DDX55: variants seen among roughly 807,000 people sequenced by gnomAD.
DDX55 encodes ATP-dependent RNA helicase DDX55.
In DDX55, 56 loss-of-function variants were observed where a neutral mutation model predicts 69.2. The ratio of observed to expected loss-of-function variants is 0.81; its 90% CI spans 0.65 to 1.01. The LOEUF (loss-of-function observed/expected upper bound fraction) is 1.01, where lower values mean the gene tolerates loss of function less well. DDX55 is among the 50% of genes least tolerant of loss of function. DDX55 has a pLI of 0.00. For missense variants in DDX55, 720 were observed against 745.1 expected, an observed-to-expected ratio of 0.97 and a Z score of 0.39; for synonymous variants, 268 against 273.1, an observed-to-expected ratio of 0.98 and a Z score of 0.18.
At chr12:123,611,727 A>G (rs1954258853) in intron 7 of DDX55, among the ~76,000 whole-genome samples, 1 of 152,204 alleles carries the variant, frequency 6.6e-6, no homozygotes, top group Non-Finnish European at 1.5e-5. Context: ...TCAAAATCAG[A>G]TAGGCTCATC....
At chr12:123,617,301 G>A (rs1954748384) in intron 10 of DDX55, among the ~76,000 whole-genome samples, 1 of 152,168 alleles carries the variant, frequency 6.6e-6, no homozygotes, top group Non-Finnish European at 1.5e-5. Flanking sequence ...AATGAAAAAA[G>A]CAATACATAC....
At chr12:123,618,598 TTG>T in intron 11 of DDX55, 69 bp from the exon 12 acceptor site, 1 of 1,573,288 alleles carries the variant, frequency 6.4e-7, no homozygotes, top group Non-Finnish European at 8.6e-7. Flanking sequence ...TTTTTCTTGG[TTG>T]TGATGGGGAG....
chr12:123,611,012 G>A (rs1326151275), intron 7 of DDX55, among the ~76,000 whole-genome samples: 1 of 151,722 alleles, frequency 6.6e-6, no homozygotes, highest in Non-Finnish European at 1.5e-5. Context: ...CAATTCTTCT[G>A]CCTCAGTCTC....
At chr12:123,609,291 A>G (rs1056720687) in intron 6 of DDX55, among the ~76,000 whole-genome samples, 7 of 152,068 alleles carry the variant, frequency 4.6e-5, no homozygotes, top group African/African-American at 1.7e-4. Flanking sequence ...TCAAATCATT[A>G]AGTAGTTTGA....
intron 5 of DDX55, chr12:123,607,990 G>A (rs1401794228): frequency 5.5e-6 from 2 of 366,212 alleles, no homozygotes; most frequent in South Asian, 3.9e-5. Flanking sequence ...GGGAGGACTC[G>A]GCTCAGTAGT....
At chr12:123,617,156 C>T (rs1426132598) in intron 10 of DDX55, among the ~76,000 whole-genome samples, 1 of 152,250 alleles carries the variant, frequency 6.6e-6, no homozygotes, top group East Asian at 1.9e-4. Flanking sequence ...AACAAAAACC[C>T]GTTGTTTTAA....
At position 123,607,584 on chromosome 12, in the gene DDX55, T is replaced by C; in HGVS notation, c.339-16T>C. 3 of 1,614,202 alleles carry C rather than the reference T, an allele frequency of 1.9e-6. No individual in the cohort carries two copies. The highest frequency in any genetic ancestry group is 2.5e-6 in the Non-Finnish European group (3 of 1,180,042). On this transcript the variant is annotated splice_polypyrimidine_tract_variant and intron_variant, in intron 4 of 13. Coordinates refer to ENST00000238146, the MANE Select transcript of DDX55 (RefSeq NM_020936.3). ...TGTTTTGTCGAACTTAATCAAAGGC[T>C]GTTTTCTTGTTGTAGCCAGATTCTT...
intron 11 of DDX55, chr12:123,618,264 G>A (rs1954844065): frequency 2.2e-6 from 1 of 456,998 alleles, no homozygotes; most frequent in Non-Finnish European, 4.3e-6. Flanking sequence ...CGCCCACCTC[G>A]GCCTCCCAAA....
intron 9 of DDX55, 109 bp from the exon 10 acceptor site, chr12:123,616,402 G>A (rs1215488093): frequency 8.8e-6 from 8 of 909,112 alleles, no homozygotes; most frequent in East Asian, 5.0e-5. Context: ...ATTTGCTTCT[G>A]TGAGAAGCTC....
At position 123,620,621 on chromosome 12, in the gene DDX55, T is replaced by TATATATAC. The variant is rs1955071754; in HGVS notation, c.*488_*489insCATATATA. 1 of 100,122 alleles carries TATATATAC rather than the reference T, an allele frequency of 1.0e-5. No individual in the cohort carries two copies. The highest frequency in any genetic ancestry group is 3.6e-5 in the African/African-American group (1 of 27,408). 6.2% of individuals were successfully genotyped at this position (100,122 alleles called of 1,614,324 possible). Reference sequence around the variant, plus strand: ...ATATATATATATATATATATATATATATATATAAGCTCTTTTTTCTGAGGC... The same window carrying TATATATAC: ...ATATATATATATATATATATATATATATATATACATATATAAGCTCTTTTTTCTGAGGC... On this transcript the variant is annotated 3_prime_UTR_variant, in exon 14 of 14. Coordinates refer to ENST00000238146, the MANE Select transcript of DDX55 (RefSeq NM_020936.3).
chr12:123,619,629 G>A lies in DDX55; in HGVS notation c.1531G>A (p.Gly511Arg). ...QQRREKTENE[G>R]RRKFIKNKAW... ...AAGAAGAGAGAAAACAGAAAATGAA[G>A]GGAGAAGAAAATTCATAAAAAATAA... Residue 511 changes from glycine (G) to arginine (R), a missense_variant, in exon 13 of 14, where the codon GGG becomes AGG. Gly to Arg is a moderately radical substitution (Grantham distance 125, BLOSUM62 -2). Coordinates refer to ENST00000238146, the MANE Select transcript of DDX55 (RefSeq NM_020936.3). The A allele has an allele frequency of 1.9e-6, 3 of 1,611,162 alleles. No homozygotes were observed. The highest frequency in any genetic ancestry group is 2.2e-5 in the South Asian group (2 of 90,524).
At chr12:123,619,879 T>A in intron 13 of DDX55, 85 bp from the exon 14 acceptor site, 1 of 1,532,706 alleles carries the variant, frequency 6.5e-7, no homozygotes, top group Non-Finnish European at 8.7e-7. Flanking sequence ...TCTGAGAGCT[T>A]ATAGTTCTTG....
At position 123,605,993 on chromosome 12, in the gene DDX55, G is replaced by T; in HGVS notation, c.159+12G>T. 9 of 1,614,068 alleles carry T rather than the reference G, an allele frequency of 5.6e-6. No individual in the cohort carries two copies. The highest frequency in any genetic ancestry group is 7.6e-6 in the Non-Finnish European group (9 of 1,180,016). ...TCGCTGCAGAAGCGGTGAGTGCCTC[G>T]GGTATGTGCAGCCTGTCCTCGTGTT... On this transcript the variant is annotated intron_variant, in intron 2 of 13. Coordinates refer to ENST00000238146, the MANE Select transcript of DDX55 (RefSeq NM_020936.3).
intron 11 of DDX55, chr12:123,618,266 C>T (rs899252266): frequency 6.7e-5 from 31 of 462,384 alleles, no homozygotes; most frequent in Non-Finnish European, 1.2e-4. Flanking sequence ...CCCACCTCGG[C>T]CTCCCAAAGT....
chr12:123,619,655 AGC>A lies in DDX55; in HGVS notation c.1558_1559del (p.Ala520LeufsTer16). ...GGAGAAGAAAATTCATAAAAAATAA[AGC>A]TTGGTCAAAGCAGAAGGCCAAAAAA... is the stretch of plus-strand genomic sequence containing the variant. The part of the protein sequence containing the change: ...EGRRKFIKNK[A>X]WSKQKAKKEK... On this transcript the variant is annotated frameshift_variant, in exon 13 of 14. Coordinates refer to ENST00000238146, the MANE Select transcript of DDX55 (RefSeq NM_020936.3). LOFTEE classifies it high-confidence loss of function. The A allele has an allele frequency of 6.2e-7, 1 of 1,609,476 alleles. No individual in the cohort carries two copies. Among genetic ancestry groups the A allele is most frequent in the Non-Finnish European group, 8.5e-7 (1 of 1,179,024 alleles).
chr12:123,602,665 CGTT>C (rs1189153848), intron 1 of DDX55, among the ~76,000 whole-genome samples: 1 of 152,156 alleles, frequency 6.6e-6, no homozygotes, highest in Non-Finnish European at 1.5e-5. Flanking sequence ...TAAGGGTTAC[CGTT>C]GTTATGCATC....
At chr12:123,618,014 G>GT (rs1954815224) in intron 11 of DDX55, 142 bp downstream of exon 11, 50 of 645,922 alleles carry the variant, frequency 7.7e-5, no homozygotes, top group Non-Finnish European at 1.1e-4. Flanking sequence ...GCCCTGGTGG[G>GT]GTTTTTTTTT....
rs1306559585 is a variant in DDX55 at position 123,602,126 on chromosome 12, C to T, written c.-23C>T. 2.0e-6 allele frequency: 3 copies of T among 1,536,796 alleles called. No individual in the cohort carries two copies. The Admixed American group carries it at 5.9e-5, about 30-fold the overall frequency. On this transcript the variant is annotated 5_prime_UTR_variant, in exon 1 of 14. Transcript: ENST00000238146. ...ACAAGGCGCGTTCGAGCAGCGGCGA[C>T]CGACGCGGCGAAGGAGCGCGCCATG...
chr12:123,618,951 C>G, intron 12 of DDX55, 114 bp downstream of exon 12: 2 of 1,449,028 alleles, frequency 1.4e-6, no homozygotes, highest in Non-Finnish European at 1.9e-6. Context: ...TGAGTAGACA[C>G]AGAATAAACT....
Sources: allele counts gnomAD v4.1 joint callset (sites outside exome capture counted in the v4.1 genomes callset), GRCh38; gene constraint gnomAD v4.1.1; transcripts MANE v1.5; gene names NCBI Gene and HGNC (gene_info 2026-07-23, HGNC 2026-07-21).